Variants in FOXP1 observed in about 807,000 individuals in gnomAD.
The protein encoded by FOXP1 is forkhead box protein P1.
A neutral mutation model predicts 98.2 loss-of-function variants in FOXP1; 15 were observed. The ratio of observed to expected loss-of-function variants is 0.15; its 90% confidence interval spans 0.10 to 0.24. The LOEUF is 0.24. Among genes scored for constraint, FOXP1 ranks in the 10% least tolerant of loss-of-function variants. The probability of loss-of-function intolerance (pLI) is 1.00; values close to 1 mark genes in which losing one functional copy is unlikely to be tolerated. For synonymous variants in FOXP1, 371 were observed against 314.5 expected (o/e 1.18, Z -1.90); for missense variants, 633 against 848.5 (o/e 0.75, Z 3.15).
At chr3:71,248,139 T>G (rs937719620) in intron 5 of FOXP1, among the ~76,000 whole-genome samples, 17 of 152,208 alleles carry the variant, frequency 1.1e-4, no homozygotes, top group African/African-American at 2.9e-4. Flanking sequence ...CAGCTGGAGT[T>G]GGCTTTGGGT....
chr3:71,333,840 A>G (rs1257995858), intron 4 of FOXP1: 1 of 152,158 alleles, frequency 6.6e-6, no homozygotes, highest in Non-Finnish European at 1.5e-5. Flanking sequence ...ACAAAACAAA[A>G]GAAAATAAAC....
chr3:71,553,338 C>T (rs2045906786), intron 2 of FOXP1, among the ~76,000 whole-genome samples: 2 of 152,000 alleles, frequency 1.3e-5, no homozygotes, highest in Non-Finnish European at 2.9e-5. Flanking sequence ...AATGTTTGGC[C>T]AAATTTGGAT....
chr3:71,300,832 G>A (rs963003376), intron 4 of FOXP1, among the ~76,000 whole-genome samples: 6 of 152,310 alleles, frequency 3.9e-5, no homozygotes, highest in African/African-American at 1.4e-4. Context: ...CTTCAGAATA[G>A]CATGTAATGA....
intron 3 of FOXP1, among the ~76,000 whole-genome samples, chr3:71,421,596 A>G (rs1282549772): frequency 6.6e-6 from 1 of 152,228 alleles, no homozygotes; most frequent in Admixed American, 6.5e-5. Context: ...GATAACCACA[A>G]TATGCAAACA....
Position 71,414,114 on chromosome 3 carries a change from C to G in FOXP1, c.-167-54870G>C, listed in dbSNP as rs2083009312. ...AAAGCCACCGAGAAGCACCCCAACTCTCGGTCTTGCCGGCCATCCAAATTG... is the reference window on the plus strand; with the variant it reads ...AAAGCCACCGAGAAGCACCCCAACTGTCGGTCTTGCCGGCCATCCAAATTG... On this transcript the variant is annotated intron_variant, in intron 3 of 20. Coordinates refer to ENST00000649528, the MANE Select transcript of FOXP1 (RefSeq NM_001349338.3). Among the ~76,000 whole-genome samples, 3 of 152,066 alleles carry G rather than the reference C, an allele frequency of 2.0e-5. No homozygotes were observed. In the South Asian group the frequency reaches 6.2e-4, roughly 32 times the overall value.
At chr3:71,347,361 T>C (rs1032606665) in intron 4 of FOXP1, among the ~76,000 whole-genome samples, 6 of 152,122 alleles carry the variant, frequency 3.9e-5, no homozygotes, top group Non-Finnish European at 8.8e-5. Flanking sequence ...TGTTCCTAAT[T>C]AAGATAAAAT....
intron 5 of FOXP1, among the ~76,000 whole-genome samples, chr3:71,259,458 C>A (rs1196684894): frequency 6.6e-6 from 1 of 152,190 alleles, no homozygotes; most frequent in Non-Finnish European, 1.5e-5. Flanking sequence ...TCCTATCATT[C>A]CTATTATTTT....
At chr3:71,526,230 A>G (rs933498836) in intron 2 of FOXP1, among the ~76,000 whole-genome samples, 2 of 152,220 alleles carry the variant, frequency 1.3e-5, no homozygotes, top group African/African-American at 2.4e-5. Flanking sequence ...ACACTGATAC[A>G]TGATGAGCTA....
intron 9 of FOXP1, 118 bp from the exon 10 acceptor site, chr3:71,047,213 G>A (rs771191274): frequency 8.6e-7 from 1 of 1,163,742 alleles, no homozygotes; most frequent in South Asian, 1.2e-5. Flanking sequence ...GGAGCTCAGT[G>A]GAGGGCTCCG....
At chr3:71,052,679 T>C in intron 8 of FOXP1, 53 bp from the exon 9 acceptor site, 1 of 869,268 alleles carries the variant, frequency 1.2e-6, no homozygotes, top group Non-Finnish European at 2.0e-6. Flanking sequence ...CAATCCACTG[T>C]CCCTTTTGGT....
intron 4 of FOXP1, among the ~76,000 whole-genome samples, chr3:71,340,584 T>C (rs537250488): frequency 5.3e-5 from 8 of 152,202 alleles, no homozygotes; most frequent in Non-Finnish European, 1.0e-4. Flanking sequence ...CATGTTTGTA[T>C]TGAGTTAGTC....
intron 2 of FOXP1, among the ~76,000 whole-genome samples, chr3:71,532,838 C>T (rs1425968429): frequency 6.6e-6 from 1 of 152,200 alleles, no homozygotes; most frequent in Non-Finnish European, 1.5e-5. Context: ...AACCACATAT[C>T]TAGCAATAAC....
intron 2 of FOXP1, among the ~76,000 whole-genome samples, chr3:71,533,515 T>G (rs779189094): frequency 5.9e-5 from 9 of 152,330 alleles, no homozygotes; most frequent in Non-Finnish European, 1.0e-4. Context: ...CAGGAAAGCT[T>G]CTGTTCTACA....
chr3:71,559,012 G>C (rs2046351904), intron 2 of FOXP1, among the ~76,000 whole-genome samples: 1 of 151,984 alleles, frequency 6.6e-6, no homozygotes, highest in Non-Finnish European at 1.5e-5. Context: ...CACCGTGTTA[G>C]CCAGGATGGT....
intron 6 of FOXP1, among the ~76,000 whole-genome samples, chr3:71,159,685 T>G (rs542477367): frequency 6.6e-6 from 1 of 152,282 alleles, no homozygotes; most frequent in East Asian, 1.9e-4. Flanking sequence ...TTTCAACTTT[T>G]GGTTCATAAA....
At chr3:71,087,740 G>T (rs550534044) in intron 7 of FOXP1, among the ~76,000 whole-genome samples, 1 of 152,086 alleles carries the variant, frequency 6.6e-6, no homozygotes, top group South Asian at 2.1e-4. Context: ...ACCTTATATG[G>T]GTCTGAGAAG....
intron 5 of FOXP1, among the ~76,000 whole-genome samples, chr3:71,259,065 A>G (rs1382315025): frequency 1.3e-5 from 2 of 152,214 alleles, no homozygotes; most frequent in African/African-American, 4.8e-5. Context: ...GAATTGCTTG[A>G]ACCTGGGAGG....
In FOXP1 at chr3:70,971,840, G is replaced by T. The variant is rs1267308949; in HGVS notation, c.1652+715C>A. 1.8e-5 allele frequency: 8 copies of T among 443,672 alleles called. No individual in the cohort carries two copies. In the East Asian group the frequency reaches 2.8e-4, roughly 16 times the overall value. The allele number at this position is 443,672 out of a possible 1,614,324, so 27.5% of individuals were successfully genotyped here. On this transcript the variant is annotated intron_variant, in intron 18 of 20. Coordinates refer to ENST00000649528, the MANE Select transcript of FOXP1 (RefSeq NM_001349338.3). ...CAAAAAAGCATTATTCAAGGCACTG[G>T]TGTTCCAAAGAGAAACGAGAGCAAT...
chr3:71,567,866 A>G (rs552989716), intron 2 of FOXP1: 2 of 152,046 alleles, frequency 1.3e-5, no homozygotes, highest in East Asian at 1.9e-4. Flanking sequence ...GCAGGTCACA[A>G]TGAAGGGCAG....
Sources: gnomAD v4.1 joint callset for allele counts (sites outside exome capture counted in the v4.1 genomes callset) on GRCh38, gnomAD v4.1.1 for gene constraint, MANE v1.5 for transcripts, NCBI Gene and HGNC (gene_info 2026-07-23, HGNC 2026-07-21) for gene names.